Variants in IQCJ observed in about 807,000 individuals in gnomAD.
IQCJ encodes the protein IQ motif containing J.
In IQCJ, 9 loss-of-function variants were observed where a neutral mutation model predicts 11.0. That is an observed-to-expected ratio of 0.82 (90% CI 0.49 to 1.43). The LOEUF (loss-of-function observed/expected upper bound fraction) is 1.43. IQCJ is among the 40% of genes most tolerant of loss of function. The pLI, the probability that IQCJ is intolerant of heterozygous loss-of-function variation, is 0.00. For synonymous variants in IQCJ, 55 were observed against 51.3 expected, an observed-to-expected ratio of 1.07 and a Z score of -0.31; for missense variants, 146 against 133.2, an observed-to-expected ratio of 1.10 and a Z score of -0.47.
chr3:159,150,461 G>A (rs1721145045), intron 1 of IQCJ, among the ~76,000 whole-genome samples: 1 of 152,138 alleles, frequency 6.6e-6, no homozygotes, highest in Non-Finnish European at 1.5e-5. Flanking sequence ...GTGCTATGCT[G>A]TGAAAAGAAG....
At chr3:159,197,730 C>A (rs1724070774) in intron 1 of IQCJ, among the ~76,000 whole-genome samples, 1 of 151,884 alleles carries the variant, frequency 6.6e-6, no homozygotes, top group Non-Finnish European at 1.5e-5. Flanking sequence ...GGAACTGAGA[C>A]AAACTGCAGA....
intron 1 of IQCJ, among the ~76,000 whole-genome samples, chr3:159,136,484 T>C (rs901990791): frequency 6.6e-6 from 1 of 152,188 alleles, no homozygotes; most frequent in Non-Finnish European, 1.5e-5. Context: ...AAAAGACTCA[T>C]GTCTTAGTTC....
At chr3:159,225,525 G>A (rs1725807518) in intron 1 of IQCJ, among the ~76,000 whole-genome samples, 1 of 152,094 alleles carries the variant, frequency 6.6e-6, no homozygotes, top group East Asian at 1.9e-4. Flanking sequence ...ACACACAAAT[G>A]AGTGAATATA....
At position 159,263,387 on chromosome 3, in the gene IQCJ, C is replaced by G; in HGVS notation, c.*656C>G. 1 of 952,852 alleles carries G rather than the reference C, an allele frequency of 1.0e-6. No individual in the cohort carries two copies. Among genetic ancestry groups the G allele is most frequent in the Non-Finnish European group, 1.2e-6 (1 of 800,278 alleles). The allele number at this position is 952,852 out of a possible 1,614,324, so 59.0% of individuals were successfully genotyped here. ...AGACCACAATTGACCTACAGGCCAC[C>G]AGTTTAAGAAATCTGAGATAGAGAG... On this transcript the variant is annotated 3_prime_UTR_variant, in exon 4 of 4. Coordinates refer to ENST00000397832, the MANE Select transcript of IQCJ (RefSeq NM_001042706.3).
intron 1 of IQCJ, among the ~76,000 whole-genome samples, chr3:159,221,639 A>AT (rs533991669): frequency 9.2e-5 from 14 of 152,046 alleles, no homozygotes; most frequent in Non-Finnish European, 1.6e-4. Context: ...AGCTTTCTAC[A>AT]TTTTTCCCTC....
rs532459835 is a variant in IQCJ at position 159,251,322 on chromosome 3, T to A, written c.75-1405T>A. Among the ~76,000 whole-genome samples the A allele has an allele frequency of 8.5e-5, 13 of 152,160 alleles. No individual in the cohort carries two copies. In the South Asian group the frequency reaches 2.5e-3, roughly 29 times the overall value. ...TTCCTAGTCCTCATAACCTGGACTATTTGAATAGCTTTCTAACTAGTTTTA... is the reference window on the plus strand; with the variant it reads ...TTCCTAGTCCTCATAACCTGGACTAATTGAATAGCTTTCTAACTAGTTTTA... On this transcript the variant is annotated intron_variant, in intron 2 of 3. Coordinates refer to ENST00000397832, the MANE Select transcript of IQCJ (RefSeq NM_001042706.3).
intron 1 of IQCJ, among the ~76,000 whole-genome samples, chr3:159,161,362 C>G (rs1283618217): frequency 6.6e-6 from 1 of 152,150 alleles, no homozygotes; most frequent in East Asian, 1.9e-4. Context: ...CCTTTGCCCA[C>G]TTTTTGATGT....
At chr3:159,123,955 T>C (rs1052524425) in intron 1 of IQCJ, among the ~76,000 whole-genome samples, 3 of 152,138 alleles carry the variant, frequency 2.0e-5, no homozygotes, top group Non-Finnish European at 4.4e-5. Context: ...CTCTCAGTAG[T>C]TTTCAGGGTC....
chr3:159,160,910 C>G (rs967080797), intron 1 of IQCJ, among the ~76,000 whole-genome samples: 1 of 152,120 alleles, frequency 6.6e-6, no homozygotes, highest in Non-Finnish European at 1.5e-5. Context: ...ATATGCCACA[C>G]TTTCTTATTC....
intron 3 of IQCJ, among the ~76,000 whole-genome samples, chr3:159,259,209 G>A (rs1728068082): frequency 6.6e-6 from 1 of 152,130 alleles, no homozygotes. Context: ...AAAGGGCAGA[G>A]GCAGGCAGAT....
In IQCJ at chr3:159,130,349, T is replaced by C. The variant is rs1026830491; in HGVS notation, c.9+60908T>C. On this transcript the variant is annotated intron_variant, in intron 1 of 3. Coordinates refer to ENST00000397832, the MANE Select transcript of IQCJ (RefSeq NM_001042706.3). ...GCAAGTTCCTAGGAATTGAGAGATG[T>C]TGTAGGTAGAGCTTTGACTTTCAAA... is the stretch of plus-strand genomic sequence containing the variant. Among the ~76,000 whole-genome samples, 6 of 152,104 alleles carry C rather than the reference T, an allele frequency of 3.9e-5. No individual in the cohort carries two copies. In the East Asian group the frequency reaches 7.7e-4, roughly 20 times the overall value.
At chr3:159,082,656 C>A (rs750310785) in intron 1 of IQCJ, among the ~76,000 whole-genome samples, 2 of 151,984 alleles carry the variant, frequency 1.3e-5, no homozygotes, top group Admixed American at 6.6e-5. Context: ...GAAAGGGAAG[C>A]TGTGGTTGGG....
At chr3:159,148,770 T>C (rs1223871721) in intron 1 of IQCJ, among the ~76,000 whole-genome samples, 1 of 152,222 alleles carries the variant, frequency 6.6e-6, no homozygotes, top group Non-Finnish European at 1.5e-5. Flanking sequence ...AATGTGATTG[T>C]AAAAGATGGA....
chr3:159,243,673 C>T (rs144912672), intron 1 of IQCJ, among the ~76,000 whole-genome samples: 22 of 152,248 alleles, frequency 1.4e-4, no homozygotes, highest in Non-Finnish European at 2.5e-4. Context: ...TATATTGTTT[C>T]GGCTGTGACT....
chr3:159,180,008 T>A (rs1577063796), intron 1 of IQCJ, among the ~76,000 whole-genome samples: 1 of 152,182 alleles, frequency 6.6e-6, no homozygotes, highest in Non-Finnish European at 1.5e-5. Flanking sequence ...GGTGAGCATA[T>A]GTGCTTTTAG....
chr3:159,127,233 C>A (rs1392943), intron 1 of IQCJ, among the ~76,000 whole-genome samples: 49,676 of 152,074 alleles, frequency 0.33, 8,459 homozygotes, highest in Non-Finnish European at 0.39. Context: ...TGCCTTCTTC[C>A]TTTCTCATTT....
At chr3:159,203,591 C>T (rs1490613469) in intron 1 of IQCJ, among the ~76,000 whole-genome samples, 1 of 151,968 alleles carries the variant, frequency 6.6e-6, no homozygotes, top group Non-Finnish European at 1.5e-5. Flanking sequence ...CCACAAGGCA[C>T]TGTTAAGTGT....
intron 3 of IQCJ, among the ~76,000 whole-genome samples, chr3:159,253,264 C>G (rs921401105): frequency 2.0e-5 from 3 of 151,816 alleles, no homozygotes; most frequent in Non-Finnish European, 4.4e-5. Context: ...TTTTTTCTCA[C>G]TTCTTATCCT....
downstream of IQCJ, chr3:159,263,755 G>C: frequency 1.0e-6 from 1 of 985,182 alleles, no homozygotes; most frequent in Non-Finnish European, 1.2e-6. Context: ...AAATGGTTTT[G>C]CCTAGATATG....
Sources: gnomAD v4.1 joint callset for allele counts (sites outside exome capture counted in the v4.1 genomes callset) on GRCh38, gnomAD v4.1.1 for gene constraint, MANE v1.5 for transcripts, NCBI Gene and HGNC (gene_info 2026-07-23, HGNC 2026-07-21) for gene names.